The following ARL6IP6 variants were observed in gnomAD, a reference collection of about 807,000 sequenced individuals.
ARL6IP6 encodes ARF like GTPase 6 interacting protein 6.
In ARL6IP6, 22 loss-of-function variants were observed where a neutral mutation model predicts 21.5. That is an observed-to-expected ratio of 1.02 (90% CI 0.73 to 1.46). The LOEUF is 1.46. Among genes scored for constraint, ARL6IP6 ranks in the 40% most tolerant of loss-of-function variants. The pLI, the probability that ARL6IP6 is intolerant of heterozygous loss-of-function variation, is 0.00. For missense variants in ARL6IP6, 388 were observed against 299.8 expected (o/e 1.29, Z -2.17); for synonymous variants, 164 against 125.3 (o/e 1.31, Z -2.06).
At chr2:152,756,062 A>T (rs1394922965) in intron 3 of ARL6IP6, among the ~76,000 whole-genome samples, 2 of 152,316 alleles carry the variant, frequency 1.3e-5, no homozygotes, top group African/African-American at 2.4e-5. Context: ...TGTCCTTGGA[A>T]GCACAAAGGT....
At chr2:152,740,266 A>AT (rs952113903) in intron 3 of ARL6IP6, among the ~76,000 whole-genome samples, 16 of 151,982 alleles carry the variant, frequency 1.1e-4, no homozygotes, top group African/African-American at 3.9e-4. Context: ...ATGTCAAATA[A>AT]TTTTTTTATT....
At position 152,752,300 on chromosome 2, in the gene ARL6IP6, T is replaced by A. The variant is rs546247024; in HGVS notation, c.588-7447T>A. Among the ~76,000 whole-genome samples, 4 of 152,328 alleles carry A rather than the reference T, an allele frequency of 2.6e-5. No homozygotes were observed. In the East Asian group the frequency reaches 5.8e-4, roughly 22 times the overall value. ...ATAAGAACCATTTTGGAATCCATAG[T>A]AGACTCCATGATGAAACTGAACAAA... On this transcript the variant is annotated intron_variant, in intron 3 of 3. Coordinates refer to ENST00000326446, the MANE Select transcript of ARL6IP6 (RefSeq NM_152522.7).
At chr2:152,757,880 A>C (rs985839377) in intron 3 of ARL6IP6, among the ~76,000 whole-genome samples, 3 of 152,336 alleles carry the variant, frequency 2.0e-5, no homozygotes, top group Admixed American at 1.3e-4. Flanking sequence ...TTGAGCATGT[A>C]CATCTCAGTA....
chr2:152,718,525 C>A, upstream of ARL6IP6: 1 of 1,470,324 alleles, frequency 6.8e-7, no homozygotes, highest in Non-Finnish European at 9.0e-7. Flanking sequence ...GGCTCTGAGG[C>A]CTGGTGGTAG....
intron 3 of ARL6IP6, among the ~76,000 whole-genome samples, chr2:152,749,768 A>G (rs1335708885): frequency 6.6e-6 from 1 of 152,210 alleles, no homozygotes; most frequent in Non-Finnish European, 1.5e-5. Context: ...ATCAGGGACT[A>G]CATAAGTACT....
rs185179668 is a variant in ARL6IP6 at position 152,756,401 on chromosome 2, C to T, written c.588-3346C>T. Among the ~76,000 whole-genome samples the T allele has an allele frequency of 1.0e-3, 157 of 152,104 alleles. 1 individual carries two copies. The highest frequency in any genetic ancestry group is 3.7e-3 in the African/African-American group (153 of 41,524). On this transcript the variant is annotated intron_variant, in intron 3 of 3. Coordinates refer to ENST00000326446, the MANE Select transcript of ARL6IP6 (RefSeq NM_152522.7). Reference sequence around the variant, plus strand: ...ATTAAGATACAGAATATCTTCATAACCTTGGAGTAGTCAAAGATTTAATGA... The same window carrying T: ...ATTAAGATACAGAATATCTTCATAATCTTGGAGTAGTCAAAGATTTAATGA...
chr2:152,747,680 A>T (rs561538874), intron 3 of ARL6IP6, among the ~76,000 whole-genome samples: 2 of 151,884 alleles, frequency 1.3e-5, no homozygotes, highest in Non-Finnish European at 2.9e-5. Context: ...GGTTCAAGCA[A>T]TTCTCCTGCC....
At chr2:152,717,762 G>A (rs1034534497), upstream of ARL6IP6, 2 of 1,255,080 alleles carry the variant, frequency 1.6e-6, no homozygotes, top group Non-Finnish European at 1.0e-6. Flanking sequence ...GCCTCACCCC[G>A]TAGGGGGTGG....
In ARL6IP6 at chr2:152,751,014, ATTTCT is replaced by A. The variant is rs1701303132; in HGVS notation, c.588-8732_588-8728del. On this transcript the variant is annotated intron_variant, in intron 3 of 3. Transcript: ENST00000326446. ...AAATGGAAGGTCTTCAAAGTGAAAC[ATTTCT>A]ATGATGTTGCCATGAAACCGTGGGA... is the stretch of plus-strand genomic sequence containing the variant. Among the ~76,000 whole-genome samples, 11 of 152,268 alleles carry A rather than the reference ATTTCT, an allele frequency of 7.2e-5. No homozygotes were observed. The South Asian group carries it at 2.3e-3, about 32-fold the overall frequency.
At chr2:152,722,668 C>T (rs773894010) in intron 2 of ARL6IP6, among the ~76,000 whole-genome samples, 14 of 152,042 alleles carry the variant, frequency 9.2e-5, no homozygotes, top group Non-Finnish European at 1.3e-4. Flanking sequence ...TTTGGGAGGC[C>T]GAGGCGGGTG....
chr2:152,752,643 G>C (rs1187074250), intron 3 of ARL6IP6, among the ~76,000 whole-genome samples: 1 of 152,194 alleles, frequency 6.6e-6, no homozygotes, highest in Non-Finnish European at 1.5e-5. Context: ...TGAGGTCCCT[G>C]TTGGCTGCCT....
chr2:152,734,871 A>C, intron 2 of ARL6IP6, 123 bp from the exon 3 acceptor site: 1 of 1,042,924 alleles, frequency 9.6e-7, no homozygotes, highest in Non-Finnish European at 1.4e-6. Context: ...AATCTCTTAA[A>C]ATATCAGATC....
chr2:152,757,288 C>A (rs889964581), intron 3 of ARL6IP6, among the ~76,000 whole-genome samples: 2 of 151,988 alleles, frequency 1.3e-5, no homozygotes, highest in African/African-American at 4.8e-5. Flanking sequence ...TGTTCTCTAT[C>A]TTTATGTGGT....
At position 152,730,370 on chromosome 2, in the gene ARL6IP6, T is replaced by A. The variant is rs375877768; in HGVS notation, c.455-4624T>A. Among the ~76,000 whole-genome samples, 13 of 152,292 alleles carry A rather than the reference T, an allele frequency of 8.5e-5. No individual in the cohort carries two copies. In the South Asian group the frequency reaches 1.2e-3, roughly 15 times the overall value. ...CGTTCTATAGCAGTCCCCAAACACT[T>A]TATTTTTCTTAACTATCATCTTTGT... On this transcript the variant is annotated intron_variant, in intron 2 of 3. Coordinates refer to ENST00000326446, the MANE Select transcript of ARL6IP6 (RefSeq NM_152522.7).
At chr2:152,734,875 T>C in intron 2 of ARL6IP6, 119 bp from the exon 3 acceptor site, 5 of 1,065,784 alleles carry the variant, frequency 4.7e-6, no homozygotes, top group Non-Finnish European at 6.6e-6. Flanking sequence ...TCTTAAAATA[T>C]CAGATCCATA....
chr2:152,759,721 T>G, intron 3 of ARL6IP6, 26 bp from the exon 4 acceptor site: 1 of 1,587,946 alleles, frequency 6.3e-7, no homozygotes, highest in Non-Finnish European at 8.6e-7. Context: ...TTTTCTTTTT[T>G]GATTTGTGTT....
intron 3 of ARL6IP6, among the ~76,000 whole-genome samples, chr2:152,737,952 T>G (rs546670080): frequency 6.6e-6 from 1 of 152,196 alleles, no homozygotes; most frequent in African/African-American, 2.4e-5. Context: ...AGGTCTCATC[T>G]GAGACAAGGA....
At chr2:152,729,055 CAAAA>C (rs70974883) in intron 2 of ARL6IP6, among the ~76,000 whole-genome samples, 1 of 117,226 alleles carries the variant, frequency 8.5e-6, no homozygotes. Context: ...GATTCCTTCT[CAAAA>C]AAAAAAAAAA....
intron 2 of ARL6IP6, among the ~76,000 whole-genome samples, chr2:152,730,164 A>G (rs1700242872): frequency 6.6e-6 from 1 of 152,346 alleles, no homozygotes; most frequent in Non-Finnish European, 1.5e-5. Flanking sequence ...GCTCAATGCG[A>G]AGTAAGTACT....
Sources: gnomAD v4.1 joint callset for allele counts (sites outside exome capture counted in the v4.1 genomes callset) on GRCh38, gnomAD v4.1.1 for gene constraint, MANE v1.5 for transcripts, NCBI Gene and HGNC (gene_info 2026-07-23, HGNC 2026-07-21) for gene names.